The following MGME1 variants were observed in gnomAD, a reference collection of about 807,000 sequenced individuals.
MGME1 encodes the protein chromosome 20 open reading frame 72.
A neutral mutation model predicts 33.0 loss-of-function variants in MGME1; 22 were observed. The observed-to-expected ratio is 0.67, with a 90% CI of 0.48 to 0.95. MGME1 has a LOEUF of 0.95. Among genes scored for constraint, MGME1 ranks in the 40% least tolerant of loss-of-function variants. The pLI is 0.00. For synonymous variants in MGME1, 133 were observed against 144.0 expected (o/e 0.92, Z 0.55); for missense variants, 383 against 397.8 (o/e 0.96, Z 0.32).
chr20:17,988,458 A>G (rs1182747985), intron 4 of MGME1, among the ~76,000 whole-genome samples, 160 bp downstream of exon 4: 3 of 152,102 alleles, frequency 2.0e-5, no homozygotes, highest in Non-Finnish European at 4.4e-5. Flanking sequence ...CCTGGCCAAT[A>G]TGGTGAAACC....
rs1163682903 is a variant in MGME1, at chr20:17,975,780, C to G, written c.608C>G (p.Ser203Cys). ...GAGAGAGATGAAAATCTCCTCAAGT[C>G]TGGTTACATTGAAAGTGTCCAGCAT... ...LKERDENLLK[S>C]GYIESVQHIL... Residue 203 changes from serine (S) to cysteine (C), a missense_variant, in exon 3 of 5, where the codon TCT becomes TGT. Coordinates refer to ENST00000377710, the MANE Select transcript of MGME1 (RefSeq NM_052865.4). 6.2e-7 allele frequency: 1 copy of G among 1,614,058 alleles called. No individual in the cohort carries two copies. Among genetic ancestry groups the G allele is most frequent in the Non-Finnish European group, 8.5e-7 (1 of 1,179,970 alleles).
intron 3 of MGME1, among the ~76,000 whole-genome samples, chr20:17,976,888 G>A (rs755633278): frequency 9.2e-5 from 14 of 151,670 alleles, no homozygotes; most frequent in Non-Finnish European, 1.3e-4. Context: ...CTCGAACTTC[G>A]GACCTCAGGT....
chr20:17,975,613 A>T, intron 2 of MGME1, 71 bp from the exon 3 acceptor site: 2 of 1,047,038 alleles, frequency 1.9e-6, no homozygotes, highest in Non-Finnish European at 2.9e-6. Flanking sequence ...AGGGCGTTTT[A>T]GAGTATTTGT....
intron 3 of MGME1, among the ~76,000 whole-genome samples, chr20:17,982,372 A>G (rs1406093160): frequency 6.6e-6 from 1 of 152,144 alleles, no homozygotes; most frequent in Non-Finnish European, 1.5e-5. Context: ...CACCCACCTC[A>G]GCCTCCCAAA....
chr20:17,975,776 A>C lies in MGME1; in HGVS notation c.604A>C (p.Lys202Gln), dbSNP rs200822015. Reference protein sequence around the residue: ...TLKERDENLLKSGYIESVQHI... With the variant: ...TLKERDENLLQSGYIESVQHI... Reference sequence around the variant, plus strand: ...AAAAGAGAGAGATGAAAATCTCCTCAAGTCTGGTTACATTGAAAGTGTCCA... The same window carrying C: ...AAAAGAGAGAGATGAAAATCTCCTCCAGTCTGGTTACATTGAAAGTGTCCA... The change falls in exon 3 of 5, where the codon AAG becomes CAG. Residue 202 changes from lysine (K) to glutamine (Q), a missense_variant. Physicochemically the swap from Lys to Gln is moderately conservative, Grantham distance 53 (BLOSUM62 1). Coordinates refer to ENST00000377710, the MANE Select transcript of MGME1 (RefSeq NM_052865.4). The C allele has an allele frequency of 6.2e-7, 1 of 1,614,138 alleles. No homozygotes were observed. Among genetic ancestry groups the C allele is most frequent in the African/African-American group, 1.3e-5 (1 of 75,042 alleles).
chr20:17,989,571 C>T (rs11699518), intron 4 of MGME1, among the ~76,000 whole-genome samples: 14,094 of 150,194 alleles, frequency 0.094, 845 homozygotes, highest in Middle Eastern at 0.15. Context: ...AAAAATCAGC[C>T]GGAAGTGGTG....
rs2036204551 is a variant in MGME1 at position 17,988,269 on chromosome 20, A to G, written c.835A>G (p.Met279Val). Reference protein sequence around the residue: ...PLQVVAYMGAMNHDTNYSFQV... With the variant: ...PLQVVAYMGAVNHDTNYSFQV... ...GCAAGTTGTGGCATACATGGGTGCC[A>G]TGAACCATGATACCAACTACAGCTT... Residue 279 changes from methionine to valine, a missense_variant, in exon 4 of 5, where the codon ATG (methionine) becomes GTG (valine). Coordinates refer to ENST00000377710, the MANE Select transcript of MGME1 (RefSeq NM_052865.4). 1 of 1,614,118 alleles carries G rather than the reference A, an allele frequency of 6.2e-7. No individual in the cohort carries two copies. The highest frequency in any genetic ancestry group is 8.5e-7 in the Non-Finnish European group (1 of 1,179,980).
intron 2 of MGME1, among the ~76,000 whole-genome samples, chr20:17,973,682 T>G (rs929738136): frequency 3.3e-5 from 5 of 151,968 alleles, no homozygotes; most frequent in Non-Finnish European, 7.4e-5. Flanking sequence ...GTTTTCCGCC[T>G]TTTCTGTGGG....
rs1064082 is a variant in MGME1, at chr20:17,987,905, G to A, written c.732-261G>A. On this transcript the variant is annotated intron_variant, in intron 3 of 4. Coordinates refer to ENST00000377710, the MANE Select transcript of MGME1 (RefSeq NM_052865.4). ...CTGGTTATTTGATGCAAAAAAAGAG[G>A]GAGAAAAAGTGGGGGGGTGCACTTA... 0.69 allele frequency among the ~76,000 whole-genome samples: 104,030 copies of A among 151,342 alleles called. 35,983 individuals are homozygous for A. The highest frequency in any genetic ancestry group is 0.78 in the African/African-American group (31,886 of 41,048).
intron 3 of MGME1, among the ~76,000 whole-genome samples, chr20:17,987,184 A>G (rs1390874221): frequency 6.6e-6 from 1 of 151,960 alleles, no homozygotes; most frequent in African/African-American, 2.4e-5. Context: ...AAAAAAAAAA[A>G]AAAAAGAAGA....
At chr20:17,983,444 T>A (rs1600398726) in intron 3 of MGME1, among the ~76,000 whole-genome samples, 2 of 152,320 alleles carry the variant, frequency 1.3e-5, no homozygotes, top group Non-Finnish European at 2.9e-5. Context: ...TGGCTATATA[T>A]CCAAAAGTAG....
Position 17,969,803 on chromosome 20 carries a change from A to G in MGME1, c.-57A>G. The G allele has an allele frequency of 6.6e-7, 1 of 1,506,442 alleles. No individual in the cohort carries two copies. Among genetic ancestry groups the G allele is most frequent in the Admixed American group, 2.2e-5 (1 of 45,214 alleles). 93.3% of individuals were successfully genotyped at this position (1,506,442 alleles called of 1,614,324 possible). A position where few individuals can be genotyped will look rare whatever the true frequency, so the allele number is the denominator to read the frequency against. ...GATGGTTGTTTTCTCTCCAATAGGA[A>G]TACAAACATAAAGGCCTTCGACCGT... On this transcript the variant is annotated splice_region_variant and 5_prime_UTR_variant, in exon 2 of 5. Coordinates refer to ENST00000377710, the MANE Select transcript of MGME1 (RefSeq NM_052865.4).
At chr20:17,972,847 C>A (rs1420548408) in intron 2 of MGME1, 1 of 894,878 alleles carries the variant, frequency 1.1e-6, no homozygotes. Context: ...GCTTCATTAA[C>A]CTAGTGTGTA....
In MGME1 at chr20:17,988,240, C is replaced by T. The variant is rs2122625166; in HGVS notation, c.806C>T (p.Pro269Leu). ...KPFIQSTFDN[P>L]LQVVAYMGAM... ...TTTATTCAAAGTACATTTGACAACCCACTGCAAGTTGTGGCATACATGGGT... is the reference window on the plus strand; with the variant it reads ...TTTATTCAAAGTACATTTGACAACCTACTGCAAGTTGTGGCATACATGGGT... The change falls in exon 4 of 5, where the codon CCA (proline) becomes CTA (leucine). Residue 269 changes from proline to leucine, a missense_variant. Transcript: ENST00000377710. The T allele has an allele frequency of 6.2e-7, 1 of 1,613,992 alleles. No individual in the cohort carries two copies.
At chr20:17,977,389 AAAAG>A (rs1181050705) in intron 3 of MGME1, among the ~76,000 whole-genome samples, 10 of 151,714 alleles carry the variant, frequency 6.6e-5, no homozygotes, top group East Asian at 3.9e-4. Context: ...AAAAAAAAAT[AAAAG>A]AAAGAAAAGA....
At chr20:17,982,866 TATC>T (rs1181974950) in intron 3 of MGME1, among the ~76,000 whole-genome samples, 2 of 152,196 alleles carry the variant, frequency 1.3e-5, no homozygotes, top group African/African-American at 4.8e-5. Flanking sequence ...ATAAGCTAAT[TATC>T]ATATCCATCA....
Position 17,982,633 on chromosome 20 carries a change from A to G in MGME1, c.732-5533A>G, listed in dbSNP as rs555014740. 2.0e-5 allele frequency among the ~76,000 whole-genome samples: 3 copies of G among 152,350 alleles called. No homozygotes were observed. The South Asian group carries it at 6.2e-4, about 32-fold the overall frequency. ...AATATGAGTGAATACATTTAACAAT[A>G]CAGTGTTAGTAATTTTGATAACATT... On this transcript the variant is annotated intron_variant, in intron 3 of 4. Transcript: ENST00000377710.
intron 3 of MGME1, among the ~76,000 whole-genome samples, chr20:17,982,150 C>T (rs1390199719): frequency 1.3e-5 from 2 of 152,020 alleles, no homozygotes; most frequent in South Asian, 2.1e-4. Flanking sequence ...TTTCTTGAGA[C>T]GGAGTTTCAC....
chr20:17,979,672 T>C (rs1180723848), intron 3 of MGME1, among the ~76,000 whole-genome samples: 1 of 151,676 alleles, frequency 6.6e-6, no homozygotes, highest in African/African-American at 2.4e-5. Context: ...CGCCTCGGCC[T>C]CCCAAAGTGC....
Sources: gnomAD v4.1 joint callset for allele counts (sites outside exome capture counted in the v4.1 genomes callset) on GRCh38, gnomAD v4.1.1 for gene constraint, MANE v1.5 for transcripts, NCBI Gene and HGNC (gene_info 2026-07-23, HGNC 2026-07-21) for gene names.